Variants in RBMS2 observed in about 807,000 individuals in gnomAD.
RBMS2 encodes RNA binding motif single stranded interacting protein 2.
RBMS2 carries 38 observed loss-of-function variants against 58.4 expected under a neutral mutation model. The observed-to-expected ratio is 0.65, with a 90% CI of 0.50 to 0.85. RBMS2 has a LOEUF of 0.85. RBMS2 is among the 40% of genes least tolerant of loss of function. RBMS2 has a pLI of 0.00. For missense variants in RBMS2, 367 were observed against 503.7 expected (o/e 0.73, Z 2.60); for synonymous variants, 151 against 180.7 (o/e 0.84, Z 1.32).
At position 56,590,510 on chromosome 12, in the gene RBMS2, A is replaced by G. The variant is rs1885228703; in HGVS notation, c.*1377A>G. 6.6e-6 allele frequency: 1 copy of G among 152,262 alleles called. No individual in the cohort carries two copies. The highest frequency in any genetic ancestry group is 2.1e-4 in the South Asian group (1 of 4,818). The allele number at this position is 152,262 out of a possible 1,614,324, so 9.4% of individuals were successfully genotyped here. A position where few individuals can be genotyped will look rare whatever the true frequency, so the allele number is the denominator to read the frequency against. ...AAGAATTATCTGACTCCAGGGGTCAATATTGCCAAGACTGGGAAACACTGA... is the reference window on the plus strand; with the variant it reads ...AAGAATTATCTGACTCCAGGGGTCAGTATTGCCAAGACTGGGAAACACTGA... On this transcript the variant is annotated 3_prime_UTR_variant, in exon 14 of 14. Transcript: ENST00000262031.
chr12:56,536,773 TG>T (rs1162835599), intron 1 of RBMS2, among the ~76,000 whole-genome samples: 1 of 151,996 alleles, frequency 6.6e-6, no homozygotes, highest in Non-Finnish European at 1.5e-5. Flanking sequence ...TTCACCATGC[TG>T]GCCAGGCTGG....
rs559587606 is a variant in RBMS2 at position 56,521,834 on chromosome 12, C to T, written c.-190C>T. The T allele has an allele frequency of 1.7e-6, 1 of 576,020 alleles. No individual in the cohort carries two copies. Among genetic ancestry groups the T allele is most frequent in the South Asian group, 2.3e-5 (1 of 44,402 alleles). The allele number at this position is 576,020 out of a possible 1,614,324, so 35.7% of individuals were successfully genotyped here. Reference sequence around the variant, plus strand: ...CGTAAAGGAGCAGCCCGAGCTCATTCTCTGCCCGCAGCCCCCCTTCATCTC... The same window carrying T: ...CGTAAAGGAGCAGCCCGAGCTCATTTTCTGCCCGCAGCCCCCCTTCATCTC... On this transcript the variant is annotated 5_prime_UTR_variant, in exon 1 of 14. Coordinates refer to ENST00000262031, the MANE Select transcript of RBMS2 (RefSeq NM_002898.4).
In RBMS2 at chr12:56,522,050, C is replaced by T. The variant is rs772703512; in HGVS notation, c.27C>T (p.Pro9=). ...TGCTGCTATCCGTGACTTCCAGGCCCGGGATTTCGACTTTTGGCTACAATA... is the reference window on the plus strand; with the variant it reads ...TGCTGCTATCCGTGACTTCCAGGCCTGGGATTTCGACTTTTGGCTACAATA... The part of the protein sequence containing the change: MLLSVTSR[P]GISTFGYNRN... The change falls in exon 1 of 14, where the codon CCC becomes CCT. Residue 9 remains proline, a synonymous_variant. Transcript: ENST00000262031. The T allele has an allele frequency of 1.3e-6, 2 of 1,598,402 alleles. No individual in the cohort carries two copies. Among genetic ancestry groups the T allele is most frequent in the Non-Finnish European group, 1.7e-6 (2 of 1,167,806 alleles).
intron 1 of RBMS2, among the ~76,000 whole-genome samples, chr12:56,540,373 A>ATATT (rs1565736123): frequency 6.6e-6 from 1 of 151,970 alleles, no homozygotes; most frequent in Non-Finnish European, 1.5e-5. Flanking sequence ...ATATATGTAT[A>ATATT]TATTTATTTA....
intron 1 of RBMS2, among the ~76,000 whole-genome samples, chr12:56,561,760 C>A (rs903766364): frequency 3.3e-5 from 1 of 30,264 alleles, no homozygotes; most frequent in African/African-American, 5.4e-5. Flanking sequence ...CGTGATCCAC[C>A]CCCCCCCTCC....
intron 1 of RBMS2, among the ~76,000 whole-genome samples, chr12:56,537,645 G>T (rs921911944): frequency 6.6e-6 from 1 of 152,140 alleles, no homozygotes; most frequent in South Asian, 2.1e-4. Context: ...GAATAATGTT[G>T]CTATGAACTT....
chr12:56,582,060 T>G lies in RBMS2; in HGVS notation c.781T>G (p.Phe261Val). 6.2e-7 allele frequency: 1 copy of G among 1,602,666 alleles called. No homozygotes were observed. Among genetic ancestry groups the G allele is most frequent in the Non-Finnish European group, 8.5e-7 (1 of 1,173,824 alleles). The change falls in exon 9 of 14, where the codon TTT becomes GTT. Residue 261 changes from phenylalanine (F) to valine (V), a missense_variant and splice_region_variant. Phe to Val is a conservative substitution (Grantham distance 50). Around this residue, in one of 3 missense-constraint regions of RBMS2, gnomAD observed 220 missense variants for 261.1 expected, o/e 0.84. Transcript: ENST00000262031. ...ACTGATTGAGGTTCCTTCCCACAGG[T>G]TTTACCCAGCCCCCTATAACATCAC... ...YDPTTALQNG[F>V]YPAPYNITPN...
intron 1 of RBMS2, among the ~76,000 whole-genome samples, chr12:56,524,865 G>A (rs2136226773): frequency 6.6e-6 from 1 of 151,878 alleles, no homozygotes; most frequent in South Asian, 2.1e-4. Flanking sequence ...GATTACAGGT[G>A]CCCGCCACCA....
At chr12:56,573,989 C>T (rs1041313585) in intron 5 of RBMS2, among the ~76,000 whole-genome samples, 3 of 152,014 alleles carry the variant, frequency 2.0e-5, no homozygotes, top group Non-Finnish European at 2.9e-5. Flanking sequence ...TACAGGCGCC[C>T]GCCACCATGC....
intron 1 of RBMS2, among the ~76,000 whole-genome samples, chr12:56,528,266 T>C (rs1168583131): frequency 2.2e-5 from 3 of 136,922 alleles, no homozygotes; most frequent in Non-Finnish European, 4.8e-5. Flanking sequence ...AAAAAAAAAG[T>C]CAAGTGTGCA....
At chr12:56,521,471 G>T (rs1310715926), upstream of RBMS2, among the ~76,000 whole-genome samples, 1 of 138,144 alleles carries the variant, frequency 7.2e-6, no homozygotes. Context: ...AGTAGGGGAA[G>T]CCCTGAGCTT....
At chr12:56,551,950 T>C (rs1049506817) in intron 1 of RBMS2, among the ~76,000 whole-genome samples, 12 of 152,110 alleles carry the variant, frequency 7.9e-5, no homozygotes, top group Admixed American at 7.9e-4. Flanking sequence ...TAGCCGGGCA[T>C]GGTGGCATGC....
At position 56,540,511 on chromosome 12, in the gene RBMS2, C is replaced by G. The variant is rs1875885161; in HGVS notation, c.66+18422C>G. ...GCCTTAGCCTTCCATGTAGCCGGGA[C>G]TACAGGTGTACACTAACACACCCAG... On this transcript the variant is annotated intron_variant, in intron 1 of 13. Coordinates refer to ENST00000262031, the MANE Select transcript of RBMS2 (RefSeq NM_002898.4). Among the ~76,000 whole-genome samples, 3 of 152,042 alleles carry G rather than the reference C, an allele frequency of 2.0e-5. No homozygotes were observed. The South Asian group carries it at 6.2e-4, about 32-fold the overall frequency.
In RBMS2 at chr12:56,587,627, A is replaced by G. The variant is rs778605724; in HGVS notation, c.1025A>G (p.Gln342Arg). The G allele has an allele frequency of 1.1e-5, 18 of 1,613,914 alleles. No individual in the cohort carries two copies. The East Asian group carries it at 2.0e-4, about 18-fold the overall frequency. Residue 342 changes from glutamine to arginine, a missense_variant, in exon 11 of 14, where the codon CAG (glutamine) becomes CGG (arginine). By Grantham distance (43) the Gln-to-Arg change is conservative (BLOSUM62 1). Around this residue, in one of 3 missense-constraint regions of RBMS2, gnomAD observed 220 missense variants for 261.1 expected, o/e 0.84. Transcript: ENST00000262031. ...GCCTCCATGATGGGACCCCTTACCC[A>G]GCAACTGGGCCATCTCTCCCTCAGC... ...QPASMMGPLT[Q>R]QLGHLSLSST...
At chr12:56,588,141 C>A (rs1884932472) in intron 11 of RBMS2, among the ~76,000 whole-genome samples, 153 bp from the exon 12 acceptor site, 1 of 152,124 alleles carries the variant, frequency 6.6e-6, no homozygotes, top group African/African-American at 2.4e-5. Context: ...TTTAGAACCA[C>A]CTGAAGTGCT....
intron 1 of RBMS2, among the ~76,000 whole-genome samples, chr12:56,559,094 G>A (rs10747768): frequency 0.94 from 142,878 of 152,194 alleles, 67,568 homozygotes; most frequent in East Asian, 1. Flanking sequence ...CACCCTCATC[G>A]CTGACAGACC....
chr12:56,577,412 A>C (rs1883291382), intron 5 of RBMS2, among the ~76,000 whole-genome samples: 1 of 151,218 alleles, frequency 6.6e-6, no homozygotes. Flanking sequence ...ACTCCATCTC[A>C]AAAATAATAA....
Position 56,589,849 on chromosome 12 carries a change from G to C in RBMS2, c.*716G>C, listed in dbSNP as rs1251059677. Reference sequence around the variant, plus strand: ...TGGATTTTTAAAAATGAAATTTCATGTGGAATTTGGGGTTGGGGGGCAGGC... The same window carrying C: ...TGGATTTTTAAAAATGAAATTTCATCTGGAATTTGGGGTTGGGGGGCAGGC... On this transcript the variant is annotated 3_prime_UTR_variant, in exon 14 of 14. Transcript: ENST00000262031. The C allele has an allele frequency of 6.5e-6, 1 of 152,712 alleles. No individual in the cohort carries two copies. Among genetic ancestry groups the C allele is most frequent in the Non-Finnish European group, 1.5e-5 (1 of 68,118 alleles). 9.5% of individuals were successfully genotyped at this position (152,712 alleles called of 1,614,324 possible). A position where few individuals can be genotyped will look rare whatever the true frequency, so the allele number is the denominator to read the frequency against.
intron 2 of RBMS2, among the ~76,000 whole-genome samples, chr12:56,566,359 C>T (rs1307238929): frequency 6.6e-6 from 1 of 152,176 alleles, no homozygotes; most frequent in Non-Finnish European, 1.5e-5. Context: ...TTAGTGATTT[C>T]TGTTCTGTCT....
Sources: allele counts gnomAD v4.1 joint callset (sites outside exome capture counted in the v4.1 genomes callset), GRCh38; gene constraint gnomAD v4.1.1; regional missense constraint gnomAD v4.1.1; transcripts MANE v1.5; gene names NCBI Gene and HGNC (gene_info 2026-07-23, HGNC 2026-07-21).